The following PABPC1L variants were observed in gnomAD, a reference collection of about 807,000 sequenced individuals.
PABPC1L encodes the protein polyadenylate-binding protein 1-like.
Under a neutral mutation model 66.6 loss-of-function variants are expected in PABPC1L, and 31 were observed. The ratio of observed to expected loss-of-function variants is 0.47; its 90% confidence interval spans 0.35 to 0.63. PABPC1L has a LOEUF of 0.63. Ranked by LOEUF, PABPC1L falls within the 20% of genes least tolerant of loss-of-function variation. The pLI is 0.00. For synonymous variants in PABPC1L, 348 were observed against 335.1 expected (o/e 1.04, Z -0.42); for missense variants, 722 against 848.8 (o/e 0.85, Z 1.86).
intron 12 of PABPC1L, chr20:44,937,773 CTGT>C (rs2066912603): frequency 2.7e-6 from 1 of 373,574 alleles, no homozygotes; most frequent in African/African-American, 2.1e-5. Context: ...TAGTAGTTCT[CTGT>C]AAACATTTTC....
chr20:44,927,746 A>G (rs1231154097), intron 7 of PABPC1L, among the ~76,000 whole-genome samples: 2 of 152,164 alleles, frequency 1.3e-5, no homozygotes, highest in African/African-American at 4.8e-5. Flanking sequence ...GCTGGAATGC[A>G]GTGGTGCCAT....
At chr20:44,932,096 A>G (rs1347199478) in intron 8 of PABPC1L, 2 of 346,620 alleles carry the variant, frequency 5.8e-6, no homozygotes, top group Admixed American at 4.7e-5. Context: ...CACCCTTTTT[A>G]TCCAGGTCAT....
At position 44,912,976 on chromosome 20, in the gene PABPC1L, G is replaced by A. The variant is rs569198766; in HGVS notation, c.387+123G>A. 8 of 822,616 alleles carry A rather than the reference G, an allele frequency of 9.7e-6. No individual in the cohort carries two copies. In the East Asian group the frequency reaches 1.6e-4, roughly 16 times the overall value. 51.0% of individuals were successfully genotyped at this position (822,616 alleles called of 1,614,324 possible). A position where few individuals can be genotyped will look rare whatever the true frequency, so the allele number is the denominator to read the frequency against. On this transcript the variant is annotated intron_variant, in intron 2 of 14. Transcript: ENST00000217073. The stretch of plus-strand genomic sequence containing the variant: ...TCCTTTCAGTCAAGTTTCAGGTACA[G>A]CAAGCACCTGAATGACAGCCGTTCT...
intron 10 of PABPC1L, 140 bp from the exon 11 acceptor site, chr20:44,935,251 C>G (rs886292796): frequency 7.8e-6 from 5 of 644,618 alleles, no homozygotes; most frequent in Admixed American, 5.4e-5. Flanking sequence ...TTCCTACCAA[C>G]AGTGCACAGT....
In PABPC1L at chr20:44,933,094, A is replaced by C. The variant is rs2066874365; in HGVS notation, c.1368A>C (p.Pro456=). The C allele has an allele frequency of 6.2e-7, 1 of 1,603,254 alleles. No homozygotes were observed. The highest frequency in any genetic ancestry group is 1.1e-5 in the South Asian group (1 of 88,584). ...CAGGTGCCTCAATGGTCCGGCCACC[A>C]GTTGTGCCTCGGCGCCCCCCGGCCC... The part of the protein sequence containing the change: ...YPPGASMVRP[P]VVPRRPPAHI... Residue 456 remains proline (P), a synonymous_variant, in exon 10 of 15, where the codon CCA becomes CCC. Coordinates refer to ENST00000217073, the MANE Select transcript of PABPC1L (RefSeq NM_001372179.1).
intron 12 of PABPC1L, chr20:44,937,066 G>T: frequency 2.1e-6 from 1 of 483,398 alleles, no homozygotes; most frequent in Non-Finnish European, 4.2e-6. Flanking sequence ...ATGGCTTGTA[G>T]GTGGGGGGTT....
rs1371913792 is a variant in PABPC1L at position 44,919,303 on chromosome 20, C to A, written c.738+26C>A. ...GTAGGAGCCTCCCCATGGCTCTGTTCTGCAGCAGGGGGACCGAGCTGGGAC... is the reference window on the plus strand; with the variant it reads ...GTAGGAGCCTCCCCATGGCTCTGTTATGCAGCAGGGGGACCGAGCTGGGAC... On this transcript the variant is annotated intron_variant, in intron 5 of 14. Transcript: ENST00000217073. The A allele has an allele frequency of 3.1e-6, 5 of 1,611,582 alleles. No homozygotes were observed. In the South Asian group the frequency reaches 5.5e-5, roughly 18 times the overall value.
chr20:44,926,641 G>A (rs2066811804), intron 7 of PABPC1L, among the ~76,000 whole-genome samples: 1 of 151,728 alleles, frequency 6.6e-6, no homozygotes, highest in African/African-American at 2.4e-5. Context: ...CTGCCTCCCA[G>A]GTTCAAGCAA....
intron 8 of PABPC1L, among the ~76,000 whole-genome samples, chr20:44,931,045 CTTCCCTTCCCTTCCCT>C (rs1568650018): frequency 5.5e-5 from 3 of 54,234 alleles, no homozygotes; most frequent in African/African-American, 2.4e-4. Context: ...CCTTCCCTCC[CTTCCCTTCCCTTCCCT>C]TCCCTCCCTC....
intron 1 of PABPC1L, among the ~76,000 whole-genome samples, chr20:44,912,138 C>T (rs1335098695): frequency 6.6e-6 from 1 of 152,176 alleles, no homozygotes; most frequent in Non-Finnish European, 1.5e-5. Context: ...ACCATCATTC[C>T]CCCTTTACAG....
chr20:44,912,139 C>T (rs910131058), intron 1 of PABPC1L, among the ~76,000 whole-genome samples: 2 of 152,214 alleles, frequency 1.3e-5, no homozygotes, highest in South Asian at 2.1e-4. Flanking sequence ...CCATCATTCC[C>T]CCTTTACAGG....
chr20:44,936,510 ATC>A, intron 11 of PABPC1L, 125 bp from the exon 12 acceptor site: 1 of 719,936 alleles, frequency 1.4e-6, no homozygotes. Context: ...CCACCTGATC[ATC>A]CAGACCTTGC....
chr20:44,926,579 T>C (rs915157338), intron 7 of PABPC1L, among the ~76,000 whole-genome samples: 2 of 148,280 alleles, frequency 1.3e-5, no homozygotes, highest in African/African-American at 5.0e-5. Context: ...AGAGTTTCCT[T>C]CTTGTCGCCC....
intron 9 of PABPC1L, chr20:44,932,748 CCCT>C (rs1231957600): frequency 4.0e-6 from 2 of 494,848 alleles, no homozygotes; most frequent in African/African-American, 3.8e-5. Flanking sequence ...TGACCAAAGG[CCCT>C]CCTCTGTAAG....
intron 7 of PABPC1L, among the ~76,000 whole-genome samples, chr20:44,925,836 AC>A (rs960316636): frequency 6.6e-6 from 1 of 152,228 alleles, no homozygotes; most frequent in Non-Finnish European, 1.5e-5. Context: ...TGATGTAGAA[AC>A]ATGGTTGAAA....
intron 10 of PABPC1L, among the ~76,000 whole-genome samples, chr20:44,933,959 C>T (rs956800693): frequency 6.6e-6 from 1 of 151,368 alleles, no homozygotes; most frequent in African/African-American, 2.4e-5. Flanking sequence ...ACCATGTTGG[C>T]CAGGCTGGTC....
intron 2 of PABPC1L, among the ~76,000 whole-genome samples, chr20:44,915,014 TG>T (rs1276770899): frequency 6.6e-6 from 1 of 152,190 alleles, no homozygotes; most frequent in Non-Finnish European, 1.5e-5. Flanking sequence ...TGACCCACAG[TG>T]GGGACCCAGT....
intron 12 of PABPC1L, 35 bp downstream of exon 12, chr20:44,936,765 G>A (rs2066904222): frequency 6.3e-7 from 1 of 1,576,490 alleles, no homozygotes; most frequent in Non-Finnish European, 8.6e-7. Context: ...GGAGCAAGAA[G>A]AGGAGGGCTG....
intron 6 of PABPC1L, among the ~76,000 whole-genome samples, chr20:44,922,450 C>T (rs536854215): frequency 6.6e-6 from 1 of 152,194 alleles, no homozygotes; most frequent in African/African-American, 2.4e-5. Flanking sequence ...GTTGCCCAGG[C>T]TGGTCTTGAA....
Sources: gnomAD v4.1 joint callset for allele counts (sites outside exome capture counted in the v4.1 genomes callset) on GRCh38, gnomAD v4.1.1 for gene constraint, MANE v1.5 for transcripts, NCBI Gene and HGNC (gene_info 2026-07-23, HGNC 2026-07-21) for gene names.